DCAF6: variants seen among roughly 807,000 people sequenced by gnomAD.
DCAF6 encodes the protein DDB1 and CUL4 associated factor 6, also known as DDB1- and CUL4-associated factor 6.
A neutral mutation model predicts 125.1 loss-of-function variants in DCAF6; 54 were observed. The observed-to-expected ratio is 0.43, with a 90% CI of 0.35 to 0.54. The LOEUF is 0.54. Among genes scored for constraint, DCAF6 ranks in the 20% least tolerant of loss-of-function variants. The pLI is 0.01. For missense variants in DCAF6, 934 were observed against 1,161.7 expected (o/e 0.80, Z 2.85); for synonymous variants, 371 against 390.4 (o/e 0.95, Z 0.58).
intron 7 of DCAF6, among the ~76,000 whole-genome samples, chr1:167,997,213 T>C (rs1243848036): frequency 3.9e-5 from 6 of 152,226 alleles, no homozygotes; most frequent in African/African-American, 1.4e-4. Context: ...TTTGAAGATT[T>C]TATTCTATAA....
At chr1:167,988,858 A>G (rs1373670293) in intron 5 of DCAF6, among the ~76,000 whole-genome samples, 1 of 152,130 alleles carries the variant, frequency 6.6e-6, no homozygotes, top group Non-Finnish European at 1.5e-5. Context: ...AGGCAGGTGG[A>G]TCACAAGGTC....
At chr1:168,011,158 C>G (rs2103135155) in intron 10 of DCAF6, among the ~76,000 whole-genome samples, 1 of 141,596 alleles carries the variant, frequency 7.1e-6, no homozygotes, top group Non-Finnish European at 1.5e-5. Flanking sequence ...TGCTCTGTCA[C>G]CAGGCTGGAG....
At chr1:167,982,377 G>T (rs1679323000) in intron 4 of DCAF6, among the ~76,000 whole-genome samples, 1 of 152,084 alleles carries the variant, frequency 6.6e-6, no homozygotes, top group African/African-American at 2.4e-5. Flanking sequence ...GAGTAGCTGG[G>T]ACTATAGGCG....
At chr1:168,033,118 C>T (rs1165933369) in intron 12 of DCAF6, among the ~76,000 whole-genome samples, 1 of 151,912 alleles carries the variant, frequency 6.6e-6, no homozygotes, top group Non-Finnish European at 1.5e-5. Flanking sequence ...TAAATCATTT[C>T]ACAGCGTGTG....
At chr1:167,884,028 G>A in the DCAF6 span, among the ~76,000 whole-genome samples, 1 of 152,096 alleles carries the variant, frequency 6.6e-6, no homozygotes, top group Non-Finnish European at 1.5e-5. Context: ...TTTGATACAG[G>A]CATGCAATGC....
chr1:167,896,563 G>A, the DCAF6 span: 2 of 1,544,566 alleles, frequency 1.3e-6, no homozygotes, highest in East Asian at 2.2e-5. Context: ...CACTGGTAGA[G>A]GCAAAGGCAT....
intron 17 of DCAF6, among the ~76,000 whole-genome samples, chr1:168,057,734 CAGGGCTTTGA>C (rs532847533): frequency 6.6e-6 from 1 of 152,114 alleles, no homozygotes; most frequent in Non-Finnish European, 1.5e-5. Context: ...CAGGGCTTTG[CAGGGCTTTGA>C]GAGTATTAAG....
At chr1:167,890,089 G>A in the DCAF6 span, among the ~76,000 whole-genome samples, 5,570 of 152,232 alleles carry the variant, frequency 0.037, 310 homozygotes, top group African/African-American at 0.13. Context: ...GTGAGGTCAT[G>A]TTTTCCTGGA....
At chr1:167,896,673 G>T in the DCAF6 span, 10 of 1,611,702 alleles carry the variant, frequency 6.2e-6, no homozygotes, top group Admixed American at 1.7e-5. Flanking sequence ...AAATTGGGGG[G>T]TGGTTTTAAG....
At chr1:168,012,468 A>C (rs781425283) in intron 10 of DCAF6, among the ~76,000 whole-genome samples, 1 of 152,228 alleles carries the variant, frequency 6.6e-6, no homozygotes, top group Non-Finnish European at 1.5e-5. Context: ...ATTCAACCCA[A>C]GGTATTTATT....
At chr1:168,039,789 T>C (rs1688288978) in intron 13 of DCAF6, among the ~76,000 whole-genome samples, 1 of 150,298 alleles carries the variant, frequency 6.7e-6, no homozygotes, top group East Asian at 1.9e-4. Context: ...TAATGAATTA[T>C]ATGTTGATAT....
Position 167,954,747 on chromosome 1 carries a change from C to T in DCAF6, c.159+2886C>T, listed in dbSNP as rs565186749. The stretch of plus-strand genomic sequence containing the variant: ...GATTACAGGCGTGAGCCACCGCACC[C>T]GGCAAATTTTTGTATTTTTAAGAGC... On this transcript the variant is annotated intron_variant, in intron 2 of 21. Transcript: ENST00000367840. Among the ~76,000 whole-genome samples, 34 of 152,230 alleles carry T rather than the reference C, an allele frequency of 2.2e-4. No homozygotes were observed. In the East Asian group the frequency reaches 2.9e-3, roughly 13 times the overall value.
the DCAF6 span, among the ~76,000 whole-genome samples, chr1:167,912,440 C>A: frequency 3.9e-5 from 6 of 152,326 alleles, no homozygotes; most frequent in African/African-American, 1.4e-4. Context: ...TGTAGAACAT[C>A]ATGGCACCCT....
the DCAF6 span, among the ~76,000 whole-genome samples, chr1:167,887,229 A>T: frequency 1.3e-5 from 2 of 152,238 alleles, no homozygotes; most frequent in Admixed American, 6.5e-5. Context: ...TCATGCTGCT[A>T]TAAAGACACA....
At chr1:167,901,636 G>C in the DCAF6 span, 1 of 1,612,430 alleles carries the variant, frequency 6.2e-7, no homozygotes, top group Non-Finnish European at 8.5e-7. Flanking sequence ...AGCTGCCGTA[G>C]GATTTATTCC....
At chr1:167,965,411 G>A (rs1264096709) in intron 2 of DCAF6, among the ~76,000 whole-genome samples, 2 of 152,172 alleles carry the variant, frequency 1.3e-5, no homozygotes, top group African/African-American at 4.8e-5. Context: ...TCAGTGGGTA[G>A]GCTGTGGTGA....
rs760939923 is a variant in DCAF6, at chr1:167,991,205, A to G, written c.554A>G (p.Asp185Gly). The change falls in exon 6 of 22, where the codon GAT (aspartate) becomes GGT (glycine). Residue 185 changes from aspartate to glycine, a missense_variant and splice_region_variant. Asp to Gly is a moderately conservative substitution (Grantham distance 94, BLOSUM62 -1). Coordinates refer to ENST00000367840, the MANE Select transcript of DCAF6 (RefSeq NM_001198956.2). The stretch of plus-strand genomic sequence containing the variant: ...TTGGTATTATGTTATGTTTTGTAGG[A>G]TATTTTAATTAACTGTCGACGTGCT... ...TSCTKEDCKD[D>G]ILINCRRAAT... is the part of the protein sequence containing the mutation. 1.2e-6 allele frequency: 2 copies of G among 1,610,200 alleles called. No homozygotes were observed. The highest frequency in any genetic ancestry group is 2.2e-5 in the South Asian group (2 of 90,574).
the DCAF6 span, among the ~76,000 whole-genome samples, chr1:167,925,876 A>G: frequency 6.6e-6 from 1 of 152,322 alleles, no homozygotes; most frequent in African/African-American, 2.4e-5. Context: ...CTTTAAAATC[A>G]TAAGTTGTTT....
intron 19 of DCAF6, 78 bp downstream of exon 19, chr1:168,065,824 T>C (rs1692256450): frequency 2.3e-6 from 3 of 1,323,000 alleles, no homozygotes; most frequent in Non-Finnish European, 3.1e-6. Flanking sequence ...TCTTTTTTAA[T>C]TGTTAATATT....
Sources: allele counts gnomAD v4.1 joint callset (sites outside exome capture counted in the v4.1 genomes callset), GRCh38; gene constraint gnomAD v4.1.1; transcripts MANE v1.5; gene names NCBI Gene and HGNC (gene_info 2026-07-23, HGNC 2026-07-21).